The following RABGAP1L variants were observed in gnomAD, a reference collection of about 807,000 sequenced individuals.
The protein encoded by RABGAP1L is rab GTPase-activating protein 1-like.
In RABGAP1L, 63 loss-of-function variants were observed where a neutral mutation model predicts 137.7. The observed-to-expected ratio is 0.46, with a 90% confidence interval of 0.37 to 0.56. The LOEUF is 0.56. RABGAP1L is among the 20% of genes least tolerant of loss of function. The pLI is 0.00. For synonymous variants in RABGAP1L, 431 were observed against 433.7 expected (o/e 0.99, Z 0.08); for missense variants, 1,095 against 1,244.0 (o/e 0.88, Z 1.80).
intron 13 of RABGAP1L, among the ~76,000 whole-genome samples, chr1:174,461,355 G>A (rs1244747617): frequency 6.6e-6 from 1 of 152,156 alleles, no homozygotes; most frequent in Non-Finnish European, 1.5e-5. Flanking sequence ...AGAACCATGG[G>A]AATAGTATCC....
chr1:174,910,629 T>G (rs962336859), intron 19 of RABGAP1L, among the ~76,000 whole-genome samples: 1 of 152,208 alleles, frequency 6.6e-6, no homozygotes, highest in Admixed American at 6.5e-5. Context: ...TAGCCTTGTT[T>G]GTAGATGACA....
At chr1:174,334,371 G>A (rs1039921661) in intron 11 of RABGAP1L, among the ~76,000 whole-genome samples, 4 of 152,164 alleles carry the variant, frequency 2.6e-5, no homozygotes, top group Non-Finnish European at 5.9e-5. Flanking sequence ...CCTGGAGTCT[G>A]TGTTCCACAC....
In RABGAP1L at chr1:174,783,989, G is replaced by A. The variant is rs189020294; in HGVS notation, c.2212-27843G>A. ...TCCTAGAGTGCTGAGATTACAGGCCGTGAGTTTTTCTTCTTCTTCTTCTTT... is the reference window on the plus strand; with the variant it reads ...TCCTAGAGTGCTGAGATTACAGGCCATGAGTTTTTCTTCTTCTTCTTCTTT... On this transcript the variant is annotated intron_variant, in intron 18 of 25. Coordinates refer to ENST00000681986, the MANE Select transcript of RABGAP1L (RefSeq NM_001366446.1). Among the ~76,000 whole-genome samples the A allele has an allele frequency of 7.7e-5, 11 of 142,692 alleles. No individual in the cohort carries two copies. The East Asian group carries it at 2.1e-3, about 27-fold the overall frequency. 93.6% of individuals were successfully genotyped at this position (142,692 alleles called of 152,430 possible).
chr1:174,534,837 T>C lies in RABGAP1L; in HGVS notation c.1711-102538T>C, dbSNP rs1388925253. The stretch of plus-strand genomic sequence containing the variant: ...AATAGTATGCCAGTATCACTAATCT[T>C]GTACATTGTACTTTGGAGCAATTAT... On this transcript the variant is annotated intron_variant, in intron 13 of 25. Transcript: ENST00000681986. 2.0e-5 allele frequency among the ~76,000 whole-genome samples: 3 copies of C among 150,894 alleles called. No individual in the cohort carries two copies. In the East Asian group the frequency reaches 5.9e-4, roughly 30 times the overall value.
chr1:174,550,999 C>CATATATATATATATATATATAT (rs549477266), intron 13 of RABGAP1L, among the ~76,000 whole-genome samples: 43 of 86,332 alleles, frequency 5.0e-4, no homozygotes, highest in African/African-American at 3.2e-3. Flanking sequence ...TATATATACA[C>CATATATATATATATATATATAT]ATATATATAT....
At chr1:174,310,950 T>C (rs1678771875) in intron 11 of RABGAP1L, among the ~76,000 whole-genome samples, 2 of 152,158 alleles carry the variant, frequency 1.3e-5, no homozygotes, top group Admixed American at 1.3e-4. Context: ...ATTAAGTTAT[T>C]ATTGACTATA....
intron 13 of RABGAP1L, among the ~76,000 whole-genome samples, chr1:174,620,073 C>A (rs531786984): frequency 6.6e-6 from 1 of 151,220 alleles, no homozygotes; most frequent in South Asian, 2.1e-4. Context: ...GGGATCAATT[C>A]AACAAGAATA....
At chr1:174,411,198 ACTT>A (rs1386563266) in intron 13 of RABGAP1L, among the ~76,000 whole-genome samples, 3 of 152,046 alleles carry the variant, frequency 2.0e-5, no homozygotes, top group African/African-American at 7.2e-5. Flanking sequence ...AGATCATTTG[ACTT>A]CTTCTTTTCC....
chr1:174,350,005 G>A (rs1682960406), intron 11 of RABGAP1L, among the ~76,000 whole-genome samples: 2 of 117,468 alleles, frequency 1.7e-5, no homozygotes, highest in African/African-American at 3.2e-5. Context: ...TGGCCGGGCT[G>A]AGGGGCTCCT....
At chr1:174,563,139 G>T (rs1667336115) in intron 13 of RABGAP1L, among the ~76,000 whole-genome samples, 1 of 152,040 alleles carries the variant, frequency 6.6e-6, no homozygotes, top group Admixed American at 6.6e-5. Flanking sequence ...TTTACTATCT[G>T]GCTCTTTACC....
intron 13 of RABGAP1L, among the ~76,000 whole-genome samples, chr1:174,397,668 C>T (rs1032843916): frequency 5.9e-5 from 9 of 152,132 alleles, no homozygotes; most frequent in African/African-American, 2.2e-4. Context: ...TCCTTGTTTT[C>T]ACAAGATGGC....
chr1:174,438,744 G>GTATATATATATATATATATATA (rs71117563), intron 13 of RABGAP1L, among the ~76,000 whole-genome samples: 51 of 95,434 alleles, frequency 5.3e-4, no homozygotes, highest in African/African-American at 1.3e-3. Context: ...GTGTGTGTGT[G>GTATATATATATATATATATATA]TATATATATA....
At chr1:174,636,344 C>T (rs1214123377) in intron 13 of RABGAP1L, among the ~76,000 whole-genome samples, 1 of 151,832 alleles carries the variant, frequency 6.6e-6, no homozygotes, top group Non-Finnish European at 1.5e-5. Context: ...ACAGTGAAAC[C>T]CCATCTCTAC....
intron 1 of RABGAP1L, among the ~76,000 whole-genome samples, chr1:174,195,323 T>C (rs1246932495): frequency 2.0e-5 from 3 of 152,218 alleles, no homozygotes; most frequent in African/African-American, 7.2e-5. Context: ...TTTTGATTTC[T>C]TGTTTTTCTG....
At chr1:174,411,973 T>C (rs1649988929) in intron 13 of RABGAP1L, among the ~76,000 whole-genome samples, 2 of 152,070 alleles carry the variant, frequency 1.3e-5, no homozygotes, top group Admixed American at 6.6e-5. Flanking sequence ...GGGTAGAGTA[T>C]CCCGTAGATG....
intron 13 of RABGAP1L, among the ~76,000 whole-genome samples, chr1:174,633,225 C>G (rs1673594786): frequency 1.4e-5 from 2 of 147,742 alleles, no homozygotes; most frequent in Non-Finnish European, 3.0e-5. Context: ...CACAAGCATT[C>G]TTATACACCA....
At chr1:174,415,868 A>C (rs542742632) in intron 13 of RABGAP1L, among the ~76,000 whole-genome samples, 1 of 151,982 alleles carries the variant, frequency 6.6e-6, no homozygotes, top group South Asian at 2.1e-4. Flanking sequence ...GTATGTTCAC[A>C]TAATTTTTGA....
intron 11 of RABGAP1L, among the ~76,000 whole-genome samples, chr1:174,336,899 AAGAG>A (rs112382224): frequency 1.4e-5 from 2 of 145,410 alleles, no homozygotes; most frequent in East Asian, 2.0e-4. Flanking sequence ...GAGAGAGAGA[AAGAG>A]AGAGAAAGAA....
rs184947784 is a variant in RABGAP1L, at chr1:174,249,005, G to T, written c.718-1470G>T. The stretch of plus-strand genomic sequence containing the variant: ...TTTGGTGCTTCAAGCTCACAAGTTT[G>T]TGATGATCTGATGCTTCTTTTGGAA... On this transcript the variant is annotated intron_variant, in intron 5 of 25. Coordinates refer to ENST00000681986, the MANE Select transcript of RABGAP1L (RefSeq NM_001366446.1). Among the ~76,000 whole-genome samples, 618 of 152,254 alleles carry T rather than the reference G, an allele frequency of 4.1e-3. 4 individuals are homozygous for T. Among genetic ancestry groups the T allele is most frequent in the Middle Eastern group, 0.014 (4 of 294 alleles).
Sources: allele counts gnomAD v4.1 joint callset (sites outside exome capture counted in the v4.1 genomes callset), GRCh38; gene constraint gnomAD v4.1.1; transcripts MANE v1.5; gene names NCBI Gene and HGNC (gene_info 2026-07-23, HGNC 2026-07-21).